ARSJ: variants seen among roughly 807,000 people sequenced by gnomAD.
The protein encoded by ARSJ is arylsulfatase family member J, also known as arylsulfatase J.
Under a neutral mutation model 35.9 loss-of-function variants are expected in ARSJ, and 26 were observed. That is an observed-to-expected ratio of 0.72 (90% CI 0.53 to 1.00). The LOEUF (loss-of-function observed/expected upper bound fraction) is 1.00, where lower values mean the gene tolerates loss of function less well. Among genes scored for constraint, ARSJ ranks in the 50% least tolerant of loss-of-function variants. ARSJ has a pLI of 0.00. For missense variants in ARSJ, 667 were observed against 723.6 expected, an observed-to-expected ratio of 0.92 and a Z score of 0.90; for synonymous variants, 294 against 267.6, an observed-to-expected ratio of 1.10 and a Z score of -0.96.
rs182232439 is a variant in ARSJ, at chr4:113,937,517, A to G, written c.399-33842T>C. ...CCCTTTCTCACCACTCCTATTCAACATAGTATTGGAAGTTCTGGCCAGGGC... is the reference window on the plus strand; with the variant it reads ...CCCTTTCTCACCACTCCTATTCAACGTAGTATTGGAAGTTCTGGCCAGGGC... On this transcript the variant is annotated intron_variant, in intron 1 of 1. Transcript: ENST00000315366. Among the ~76,000 whole-genome samples the G allele has an allele frequency of 5.3e-4, 81 of 152,190 alleles. 1 individual carries two copies. Among genetic ancestry groups the G allele is most frequent in the African/African-American group, 1.6e-3 (65 of 41,554 alleles).
chr4:113,971,443 C>T (rs1032644240), intron 1 of ARSJ, among the ~76,000 whole-genome samples: 3 of 152,066 alleles, frequency 2.0e-5, no homozygotes, highest in Non-Finnish European at 2.9e-5. Flanking sequence ...TTTTTAAAGA[C>T]TCTTTAAAAT....
At chr4:113,942,675 ATTTCCTTT>A (rs368224789) in intron 1 of ARSJ, among the ~76,000 whole-genome samples, 236 of 152,140 alleles carry the variant, frequency 1.6e-3, no homozygotes, top group African/African-American at 5.4e-3. Context: ...ATCTTTCCAG[ATTTCCTTT>A]TTAACTTGGC....
At chr4:113,975,889 C>T (rs1032927843) in intron 1 of ARSJ, among the ~76,000 whole-genome samples, 2 of 152,224 alleles carry the variant, frequency 1.3e-5, no homozygotes, top group South Asian at 2.1e-4. Context: ...AGCTGAAGGG[C>T]CCTGAAATCT....
intron 1 of ARSJ, among the ~76,000 whole-genome samples, chr4:113,904,463 C>A (rs534122274): frequency 7.2e-5 from 11 of 152,060 alleles, no homozygotes; most frequent in East Asian, 5.8e-4. Flanking sequence ...AGAGAAAAAT[C>A]TCCTGTTTGA....
chr4:113,977,812 GA>G (rs1441654440), intron 1 of ARSJ, among the ~76,000 whole-genome samples: 1 of 152,186 alleles, frequency 6.6e-6, no homozygotes, highest in Non-Finnish European at 1.5e-5. Flanking sequence ...AACTGCAGAT[GA>G]AGTTTGACTC....
Position 113,902,102 on chromosome 4 carries a change from G to T in ARSJ, c.*172C>A. 6.3e-7 allele frequency: 1 copy of T among 1,584,014 alleles called. No homozygotes were observed. Among genetic ancestry groups the T allele is most frequent in the Non-Finnish European group, 8.5e-7 (1 of 1,172,056 alleles). On this transcript the variant is annotated 3_prime_UTR_variant, in exon 2 of 2. Transcript: ENST00000315366. The stretch of plus-strand genomic sequence containing the variant: ...AGAGTAGCACCTTGGCACTGAGCAG[G>T]ACAGTTTTCAGTGTGGCGGCCAGGT...
At chr4:113,969,138 C>T (rs576011498) in intron 1 of ARSJ, among the ~76,000 whole-genome samples, 133 of 152,258 alleles carry the variant, frequency 8.7e-4, no homozygotes, top group African/African-American at 2.9e-3. Flanking sequence ...CTTTTAACAT[C>T]ACTGTTTAAA....
At position 113,978,929 on chromosome 4, in the gene ARSJ, C is replaced by A. The variant is rs989797910; in HGVS notation, c.-95G>T. 7.5e-6 allele frequency: 10 copies of A among 1,341,978 alleles called. No homozygotes were observed. Among genetic ancestry groups the A allele is most frequent in the East Asian group, 7.0e-5 (3 of 43,122 alleles). The allele number at this position is 1,341,978 out of a possible 1,614,324, so 83.1% of individuals were successfully genotyped here. On this transcript the variant is annotated 5_prime_UTR_variant, in exon 1 of 2. Transcript: ENST00000315366. Reference sequence around the variant, plus strand: ...CACCCAACAGACGGTGAAGACTCTCCACCTGGCAAGAAATCCTCCTCTCCT... The same window carrying A: ...CACCCAACAGACGGTGAAGACTCTCAACCTGGCAAGAAATCCTCCTCTCCT...
In ARSJ at chr4:113,920,149, C is replaced by T. The variant is rs1723576606; in HGVS notation, c.399-16474G>A. ...CTGAGAGTTAAAAAAATTAAAAACACTGTTTTGCCAAAGATTGTAATTGTT... is the reference window on the plus strand; with the variant it reads ...CTGAGAGTTAAAAAAATTAAAAACATTGTTTTGCCAAAGATTGTAATTGTT... On this transcript the variant is annotated intron_variant, in intron 1 of 1. Coordinates refer to ENST00000315366, the MANE Select transcript of ARSJ (RefSeq NM_024590.4). Among the ~76,000 whole-genome samples, 4 of 152,102 alleles carry T rather than the reference C, an allele frequency of 2.6e-5. No homozygotes were observed. In the South Asian group the frequency reaches 8.3e-4, roughly 32 times the overall value.
chr4:113,909,104 A>T (rs1469206171), intron 1 of ARSJ, among the ~76,000 whole-genome samples: 1 of 152,080 alleles, frequency 6.6e-6, no homozygotes, highest in African/African-American at 2.4e-5. Context: ...TTTAGAACTG[A>T]TAGGACTAAA....
chr4:113,927,960 C>G (rs1231866590), intron 1 of ARSJ, among the ~76,000 whole-genome samples: 1 of 152,252 alleles, frequency 6.6e-6, no homozygotes, highest in East Asian at 1.9e-4. Context: ...CCCTACCAGT[C>G]AGGAAGCCAA....
intron 1 of ARSJ, among the ~76,000 whole-genome samples, chr4:113,962,768 C>T (rs1726636674): frequency 6.6e-6 from 1 of 152,054 alleles, no homozygotes; most frequent in Non-Finnish European, 1.5e-5. Context: ...GAAGTTAGAT[C>T]AGGTTCCCCT....
intron 1 of ARSJ, among the ~76,000 whole-genome samples, chr4:113,965,341 T>G (rs1425441391): frequency 6.6e-6 from 1 of 152,110 alleles, no homozygotes; most frequent in Non-Finnish European, 1.5e-5. Context: ...ATTTATTGTT[T>G]TCTACTCTAA....
intron 1 of ARSJ, among the ~76,000 whole-genome samples, chr4:113,931,671 G>A (rs1724461360): frequency 6.6e-6 from 1 of 152,036 alleles, no homozygotes; most frequent in Admixed American, 6.6e-5. Flanking sequence ...GTGCAGGCAG[G>A]ACCTCATGTC....
intron 1 of ARSJ, among the ~76,000 whole-genome samples, chr4:113,968,622 A>G (rs572059597): frequency 6.6e-6 from 1 of 152,362 alleles, no homozygotes; most frequent in South Asian, 2.1e-4. Flanking sequence ...GTGGGAAAGT[A>G]CAAGTACTCT....
At chr4:113,943,245 G>A (rs1725268980) in intron 1 of ARSJ, 1 of 151,946 alleles carries the variant, frequency 6.6e-6, no homozygotes, top group Non-Finnish European at 1.5e-5. Context: ...CTTAAGATTT[G>A]ACTTGTGTCT....
chr4:113,917,901 A>G (rs2149256777), intron 1 of ARSJ, among the ~76,000 whole-genome samples: 1 of 152,294 alleles, frequency 6.6e-6, no homozygotes, highest in Non-Finnish European at 1.5e-5. Flanking sequence ...CACTTTTCTC[A>G]CTGAGTTACC....
intron 1 of ARSJ, among the ~76,000 whole-genome samples, chr4:113,932,217 G>A (rs1301748126): frequency 6.6e-6 from 1 of 151,922 alleles, no homozygotes; most frequent in Non-Finnish European, 1.5e-5. Flanking sequence ...TGTATATAAA[G>A]CAAATATTAG....
rs759704369 is a variant in ARSJ at position 113,903,650 on chromosome 4, G to A, written c.424C>T (p.His142Tyr). 1.2e-6 allele frequency: 2 copies of A among 1,612,962 alleles called. No individual in the cohort carries two copies. The highest frequency in any genetic ancestry group is 1.7e-5 in the Admixed American group (1 of 59,988). ...GGTTGGGTAGGTCTTATGATAGAATGTTGAAGTCCGGTGTGTATCTGATAC... is the reference window on the plus strand; with the variant it reads ...GGTTGGGTAGGTCTTATGATAGAATATTGAAGTCCGGTGTGTATCTGATAC... ...GKYQIHTGLQ[H>Y]SIIRPTQPNC... The change falls in exon 2 of 2, where the codon CAT becomes TAT. Residue 142 changes from histidine to tyrosine, a missense_variant. Physicochemically the swap from His to Tyr is moderately conservative, Grantham distance 83. Transcript: ENST00000315366.
Sources: allele counts gnomAD v4.1 joint callset (sites outside exome capture counted in the v4.1 genomes callset), GRCh38; gene constraint gnomAD v4.1.1; transcripts MANE v1.5; gene names NCBI Gene and HGNC (gene_info 2026-07-23, HGNC 2026-07-21).